The following CYP7B1 variants were observed in gnomAD, a reference collection of about 807,000 sequenced individuals.
CYP7B1 encodes the protein cytochrome P450 7B1.
A neutral mutation model predicts 42.7 loss-of-function variants in CYP7B1; 29 were observed. The observed-to-expected ratio is 0.68, with a 90% confidence interval of 0.51 to 0.93. The LOEUF (loss-of-function observed/expected upper bound fraction) is 0.93. CYP7B1 is among the 40% of genes least tolerant of loss of function. The pLI is 0.00. For missense variants in CYP7B1, 655 were observed against 600.5 expected (o/e 1.09, Z -0.95); for synonymous variants, 235 against 218.2 (o/e 1.08, Z -0.68).
intron 1 of CYP7B1, among the ~76,000 whole-genome samples, chr8:64,764,537 G>A (rs1427699703): frequency 2.6e-5 from 4 of 152,054 alleles, no homozygotes; most frequent in East Asian, 3.9e-4. Context: ...GGCCTTCTCC[G>A]TGACCCTGTA....
intron 1 of CYP7B1, among the ~76,000 whole-genome samples, chr8:64,787,311 C>T (rs764946701): frequency 2.1e-4 from 32 of 152,306 alleles, no homozygotes; most frequent in Non-Finnish European, 4.3e-4. Context: ...CTCTTGAACA[C>T]ATTGCCACTT....
At chr8:64,755,181 G>A (rs1807789115) in intron 1 of CYP7B1, among the ~76,000 whole-genome samples, 1 of 152,174 alleles carries the variant, frequency 6.6e-6, no homozygotes, top group South Asian at 2.1e-4. Flanking sequence ...GTGTGTGCGT[G>A]CATGTGTGTG....
rs1372059475 is a variant in CYP7B1 at position 64,595,218 on chromosome 8, C to A, written c.*1424G>T. Among the ~76,000 whole-genome samples the A allele has an allele frequency of 2.0e-5, 3 of 152,106 alleles. No individual in the cohort carries two copies. The highest frequency in any genetic ancestry group is 7.2e-5 in the African/African-American group (3 of 41,410). On this transcript the variant is annotated 3_prime_UTR_variant, in exon 6 of 6. Coordinates refer to ENST00000310193, the MANE Select transcript of CYP7B1 (RefSeq NM_004820.5). ...AAATCAAGCAAAAATAGAATTTGCACCAGCAGACCTTCACTGAAGGAACAT... is the reference window on the plus strand; with the variant it reads ...AAATCAAGCAAAAATAGAATTTGCAACAGCAGACCTTCACTGAAGGAACAT...
intron 1 of CYP7B1, among the ~76,000 whole-genome samples, chr8:64,786,866 G>C (rs1423235043): frequency 6.6e-6 from 1 of 152,270 alleles, no homozygotes; most frequent in African/African-American, 2.4e-5. Flanking sequence ...AATCTAGGCA[G>C]AGATTCCCAA....
At chr8:64,685,153 G>C (rs998920658) in intron 1 of CYP7B1, among the ~76,000 whole-genome samples, 3 of 152,122 alleles carry the variant, frequency 2.0e-5, no homozygotes, top group Non-Finnish European at 4.4e-5. Flanking sequence ...AGTCTTTGCC[G>C]CCCCGCCGGC....
chr8:64,685,760 T>A lies in CYP7B1; in HGVS notation c.123-61221A>T, dbSNP rs1167827522. Among the ~76,000 whole-genome samples, 15 of 53,498 alleles carry A rather than the reference T, an allele frequency of 2.8e-4. 5 individuals are homozygous for A. Among genetic ancestry groups the A allele is most frequent in the Admixed American group, 2.5e-3 (15 of 5,944 alleles). 35.1% of individuals were successfully genotyped at this position (53,498 alleles called of 152,430 possible). ...GCGTCTCCGCCCGGCAGCCACCCCA[T>A]CCGGGAGGGAGGTGGGGGGGGGTCA... On this transcript the variant is annotated intron_variant, in intron 1 of 5. Coordinates refer to ENST00000310193, the MANE Select transcript of CYP7B1 (RefSeq NM_004820.5).
At chr8:64,701,536 A>C (rs542482706) in intron 1 of CYP7B1, among the ~76,000 whole-genome samples, 2 of 152,220 alleles carry the variant, frequency 1.3e-5, no homozygotes, top group East Asian at 3.9e-4. Flanking sequence ...CCATGTGCTG[A>C]TATATTTTTT....
At chr8:64,742,482 T>C (rs1170486178) in intron 1 of CYP7B1, among the ~76,000 whole-genome samples, 1 of 152,194 alleles carries the variant, frequency 6.6e-6, no homozygotes, top group Non-Finnish European at 1.5e-5. Context: ...AATGTTATAT[T>C]AGAATTTTAT....
At chr8:64,668,248 C>T (rs980220481) in intron 1 of CYP7B1, among the ~76,000 whole-genome samples, 3 of 152,142 alleles carry the variant, frequency 2.0e-5, no homozygotes, top group Admixed American at 6.5e-5. Context: ...TCATCACTCA[C>T]ACGCTATTGA....
At chr8:64,628,996 G>A (rs541132571) in intron 1 of CYP7B1, among the ~76,000 whole-genome samples, 2 of 152,274 alleles carry the variant, frequency 1.3e-5, no homozygotes, top group East Asian at 3.9e-4. Flanking sequence ...GGGAGGCTGA[G>A]GTGGGCGGAT....
chr8:64,788,158 C>G (rs1348045076), intron 1 of CYP7B1, among the ~76,000 whole-genome samples: 1 of 152,136 alleles, frequency 6.6e-6, no homozygotes, highest in African/African-American at 2.4e-5. Context: ...AGAAAGAACC[C>G]TAATGTAAAG....
intron 1 of CYP7B1, among the ~76,000 whole-genome samples, chr8:64,706,879 C>T (rs1807007482): frequency 6.6e-6 from 1 of 151,936 alleles, no homozygotes. Flanking sequence ...AGATTATCAT[C>T]AGCTTAAAAA....
At chr8:64,717,764 T>C (rs983877600) in intron 1 of CYP7B1, among the ~76,000 whole-genome samples, 1 of 151,966 alleles carries the variant, frequency 6.6e-6, no homozygotes, top group South Asian at 2.1e-4. Flanking sequence ...GGAAGATCAC[T>C]TGAGCCCAGA....
chr8:64,655,574 G>A (rs1806109329), intron 1 of CYP7B1, among the ~76,000 whole-genome samples: 1 of 152,206 alleles, frequency 6.6e-6, no homozygotes. Context: ...GTTGGTGGGA[G>A]TGTAAATTAG....
At chr8:64,641,131 C>A (rs1347045943) in intron 1 of CYP7B1, among the ~76,000 whole-genome samples, 9 of 152,080 alleles carry the variant, frequency 5.9e-5, no homozygotes, top group Admixed American at 6.6e-5. Flanking sequence ...CCTGAATGAG[C>A]CATATGAGAG....
chr8:64,597,423 T>A (rs778223573), intron 5 of CYP7B1, among the ~76,000 whole-genome samples: 76 of 152,184 alleles, frequency 5.0e-4, no homozygotes, highest in Non-Finnish European at 9.0e-4. Context: ...GAACTATGAG[T>A]TTAGGATCCG....
At chr8:64,712,924 C>T (rs914734466) in intron 1 of CYP7B1, among the ~76,000 whole-genome samples, 7 of 152,090 alleles carry the variant, frequency 4.6e-5, no homozygotes, top group African/African-American at 1.7e-4. Context: ...AAGATGTCGA[C>T]AGATGCTACA....
At chr8:64,680,699 A>G (rs1806523426) in intron 1 of CYP7B1, among the ~76,000 whole-genome samples, 1 of 152,236 alleles carries the variant, frequency 6.6e-6, no homozygotes, top group African/African-American at 2.4e-5. Context: ...AGAGGGCAAT[A>G]AAAGGATTCA....
At chr8:64,788,281 G>A (rs987351700) in intron 1 of CYP7B1, among the ~76,000 whole-genome samples, 5 of 152,224 alleles carry the variant, frequency 3.3e-5, no homozygotes, top group Non-Finnish European at 4.4e-5. Context: ...GGCAGCGAGA[G>A]GTAGGGGTGA....
Sources: gnomAD v4.1 joint callset for allele counts (sites outside exome capture counted in the v4.1 genomes callset) on GRCh38, gnomAD v4.1.1 for gene constraint, MANE v1.5 for transcripts, NCBI Gene and HGNC (gene_info 2026-07-23, HGNC 2026-07-21) for gene names.